The following TIMP2 variants were observed in gnomAD, a reference collection of about 807,000 sequenced individuals.
TIMP2 encodes the protein metalloproteinase inhibitor 2.
A neutral mutation model predicts 24.3 loss-of-function variants in TIMP2; 5 were observed. The ratio of observed to expected loss-of-function variants is 0.21; its 90% CI spans 0.11 to 0.43. The LOEUF (loss-of-function observed/expected upper bound fraction) is 0.43. Ranked by LOEUF, TIMP2 falls within the 20% of genes least tolerant of loss-of-function variation. The pLI is 1.00. For synonymous variants in TIMP2, 130 were observed against 123.2 expected, an observed-to-expected ratio of 1.06 and a Z score of -0.37; for missense variants, 221 against 297.5, an observed-to-expected ratio of 0.74 and a Z score of 1.89.
chr17:78,879,669 G>A (rs973423317), intron 1 of TIMP2, among the ~76,000 whole-genome samples: 6 of 152,244 alleles, frequency 3.9e-5, no homozygotes, highest in East Asian at 3.9e-4. Flanking sequence ...CTCCCTGGGC[G>A]TCTCAGATTT....
intron 1 of TIMP2, among the ~76,000 whole-genome samples, chr17:78,882,324 C>T (rs1237320801): frequency 6.6e-6 from 1 of 152,294 alleles, no homozygotes; most frequent in East Asian, 1.9e-4. Flanking sequence ...TACCAGGGGC[C>T]CCTCTGCCCC....
chr17:78,917,709 T>G (rs1409036514), intron 1 of TIMP2, among the ~76,000 whole-genome samples: 1 of 151,940 alleles, frequency 6.6e-6, no homozygotes, highest in Non-Finnish European at 1.5e-5. Flanking sequence ...ACCTCCCAGG[T>G]CTTTGGAGCC....
chr17:78,890,577 G>C, intron 1 of TIMP2: 7 of 1,485,938 alleles, frequency 4.7e-6, no homozygotes, highest in Non-Finnish European at 6.3e-6. Context: ...TAGAGACCCG[G>C]GTACCAGTGC....
At chr17:78,858,651 G>T (rs1289891596) in intron 3 of TIMP2, among the ~76,000 whole-genome samples, 1 of 152,048 alleles carries the variant, frequency 6.6e-6, no homozygotes, top group African/African-American at 2.4e-5. Flanking sequence ...CTCCTGAATA[G>T]CTGGGACTAT....
intron 1 of TIMP2, among the ~76,000 whole-genome samples, chr17:78,883,802 C>A (rs1471544705): frequency 6.6e-6 from 1 of 152,150 alleles, no homozygotes; most frequent in Non-Finnish European, 1.5e-5. Flanking sequence ...CTCTGCCCAG[C>A]CTTCCTGCCG....
chr17:78,892,391 A>G lies in TIMP2; in HGVS notation c.131-18472T>C, dbSNP rs942414487. 1.4e-5 allele frequency: 22 copies of G among 1,550,474 alleles called. No homozygotes were observed. In the African/African-American group the frequency reaches 3.0e-4, roughly 21 times the overall value. On this transcript the variant is annotated intron_variant, in intron 1 of 4. Coordinates refer to ENST00000262768, the MANE Select transcript of TIMP2 (RefSeq NM_003255.5). Reference sequence around the variant, plus strand: ...TTCCCAGGGAAGGTGCTTGGAGCCAAGAGTGGAGGGTTCAAGGGGCGCCCC... The same window carrying G: ...TTCCCAGGGAAGGTGCTTGGAGCCAGGAGTGGAGGGTTCAAGGGGCGCCCC...
intron 1 of TIMP2, among the ~76,000 whole-genome samples, chr17:78,892,966 G>A (rs1266563259): frequency 6.6e-6 from 1 of 152,168 alleles, no homozygotes; most frequent in African/African-American, 2.4e-5. Context: ...AGAGCAGGTG[G>A]AAGTAAAAGA....
chr17:78,898,398 T>C (rs9912418), intron 1 of TIMP2: 59,147 of 152,102 alleles, frequency 0.39, 11,567 homozygotes, highest in Admixed American at 0.43. Flanking sequence ...TGGAAACCAC[T>C]TCCACAGCAC....
chr17:78,909,919 C>T (rs2070192924), intron 1 of TIMP2, among the ~76,000 whole-genome samples: 2 of 152,118 alleles, frequency 1.3e-5, no homozygotes, highest in South Asian at 2.1e-4. Flanking sequence ...CAACCGGAGG[C>T]GGAGTGTCCG....
intron 3 of TIMP2, among the ~76,000 whole-genome samples, chr17:78,865,517 G>A (rs911608140): frequency 6.6e-5 from 10 of 151,774 alleles, no homozygotes; most frequent in East Asian, 1.9e-4. Flanking sequence ...CCTGCTACTC[G>A]GAAGGCTGAG....
intron 1 of TIMP2, among the ~76,000 whole-genome samples, chr17:78,916,274 C>A (rs972617815): frequency 6.6e-6 from 1 of 152,168 alleles, no homozygotes; most frequent in African/African-American, 2.4e-5. Context: ...CAGCATTTGA[C>A]CCCCGCTCAC....
chr17:78,874,101 G>A, intron 1 of TIMP2, 182 bp from the exon 2 acceptor site: 1 of 541,786 alleles, frequency 1.8e-6, no homozygotes, highest in Non-Finnish European at 3.3e-6. Context: ...CCTCCAGGCT[G>A]AGAGATGATG....
At chr17:78,892,334 C>T in intron 1 of TIMP2, 1 of 1,550,676 alleles carries the variant, frequency 6.4e-7, no homozygotes, top group Non-Finnish European at 8.7e-7. Flanking sequence ...ATCCATGTTT[C>T]TGTTCCTGTC....
rs756219381 is a variant in TIMP2 at position 78,918,072 on chromosome 17, A to ACGTG, written c.130+6886_130+6887insCACG. Among the ~76,000 whole-genome samples, 339 of 106,296 alleles carry ACGTG rather than the reference A, an allele frequency of 3.2e-3. 1 individual carries two copies. The highest frequency in any genetic ancestry group is 0.015 in the Middle Eastern group (3 of 194). The allele number at this position is 106,296 out of a possible 152,430, so 69.7% of individuals were successfully genotyped here. A position where few individuals can be genotyped will look rare whatever the true frequency, so the allele number is the denominator to read the frequency against. ...CGTACGCGTGCACACACAAACACAC[A>ACGTG]CACACACACACACACACACACACAC... On this transcript the variant is annotated intron_variant, in intron 1 of 4. Transcript: ENST00000262768.
rs572244281 is a variant in TIMP2 at position 78,893,100 on chromosome 17, T to G, written c.131-19181A>C. Reference sequence around the variant, plus strand: ...GTGCACGCGTGTGCAGGGGTGTGTGTGGGTGTGTGCACATGCACATGTGTG... The same window carrying G: ...GTGCACGCGTGTGCAGGGGTGTGTGGGGGTGTGTGCACATGCACATGTGTG... On this transcript the variant is annotated intron_variant, in intron 1 of 4. Transcript: ENST00000262768. Among the ~76,000 whole-genome samples, 4 of 150,484 alleles carry G rather than the reference T, an allele frequency of 2.7e-5. No individual in the cohort carries two copies. The East Asian group carries it at 6.0e-4, about 23-fold the overall frequency.
rs111767794 is a variant in TIMP2, at chr17:78,889,696, G to C, written c.131-15777C>G. 4.7e-3 allele frequency among the ~76,000 whole-genome samples: 714 copies of C among 152,348 alleles called. 1 individual carries two copies. Among genetic ancestry groups the C allele is most frequent in the African/African-American group, 0.017 (687 of 41,574 alleles). On this transcript the variant is annotated intron_variant, in intron 1 of 4. Transcript: ENST00000262768. ...GCCCCTGAAAACAGACTGTCACCCA[G>C]GCTGGAATGTAGTGACATGATCGGC...
At chr17:78,879,340 G>GA (rs1480136307) in intron 1 of TIMP2, among the ~76,000 whole-genome samples, 1 of 152,240 alleles carries the variant, frequency 6.6e-6, no homozygotes, top group Non-Finnish European at 1.5e-5. Flanking sequence ...TTCTGTAGGG[G>GA]AAAGCAGGCC....
At chr17:78,909,899 CAG>C (rs2070192730) in intron 1 of TIMP2, among the ~76,000 whole-genome samples, 1 of 152,132 alleles carries the variant, frequency 6.6e-6, no homozygotes, top group Admixed American at 6.5e-5. Context: ...ACAGAAAAGG[CAG>C]AGTCACACAA....
chr17:78,870,423 AAGAAAG>A lies in TIMP2; in HGVS notation c.340+469_340+474del, dbSNP rs1179756113. Among the ~76,000 whole-genome samples, 8 of 66,290 alleles carry A rather than the reference AAGAAAG, an allele frequency of 1.2e-4. 1 individual carries two copies. Among genetic ancestry groups the A allele is most frequent in the Admixed American group, 1.8e-4 (1 of 5,526 alleles). 43.5% of individuals were successfully genotyped at this position (66,290 alleles called of 152,430 possible). ...AGAGCGACACTCTGTCTCAAAAAAA[AAGAAAG>A]AAAGAAAGAAAGAAAGAAAGAAAAT... is the stretch of plus-strand genomic sequence containing the variant. On this transcript the variant is annotated intron_variant, in intron 3 of 4. Coordinates refer to ENST00000262768, the MANE Select transcript of TIMP2 (RefSeq NM_003255.5).
Sources: allele counts gnomAD v4.1 joint callset (sites outside exome capture counted in the v4.1 genomes callset), GRCh38; gene constraint gnomAD v4.1.1; transcripts MANE v1.5; gene names NCBI Gene and HGNC (gene_info 2026-07-23, HGNC 2026-07-21).